The following GLIS3 variants were observed in gnomAD, a reference collection of about 807,000 sequenced individuals.
GLIS3 encodes the protein GLIS family zinc finger 3.
GLIS3 carries 53 observed loss-of-function variants against 78.6 expected under a neutral mutation model. The observed-to-expected ratio is 0.67, with a 90% CI of 0.54 to 0.85. The LOEUF (loss-of-function observed/expected upper bound fraction) is 0.85. Ranked by LOEUF, GLIS3 falls within the 40% of genes least tolerant of loss-of-function variation. GLIS3 has a pLI of 0.00. For missense variants in GLIS3, 1,703 were observed against 1,231.1 expected (o/e 1.38, Z -5.74); for synonymous variants, 684 against 509.9 (o/e 1.34, Z -4.60).
chr9:4,297,465 G>A (rs1005983849), intron 1 of GLIS3, among the ~76,000 whole-genome samples: 1 of 152,162 alleles, frequency 6.6e-6, no homozygotes, highest in Non-Finnish European at 1.5e-5. Context: ...AAGGGACCTG[G>A]TCCACTGGGG....
chr9:4,106,134 C>T (rs978125836), intron 4 of GLIS3, among the ~76,000 whole-genome samples: 3 of 152,162 alleles, frequency 2.0e-5, no homozygotes, highest in Non-Finnish European at 2.9e-5. Context: ...AGACAAGTTT[C>T]GACAAGCACT....
At chr9:4,488,722 T>C in the GLIS3 span, among the ~76,000 whole-genome samples, 1 of 152,232 alleles carries the variant, frequency 6.6e-6, no homozygotes, top group South Asian at 2.1e-4. Flanking sequence ...TTCCCCATGT[T>C]GGCCAGGCTG....
chr9:3,944,999 C>A (rs1272317012), intron 4 of GLIS3, among the ~76,000 whole-genome samples: 1 of 152,212 alleles, frequency 6.6e-6, no homozygotes, highest in Non-Finnish European at 1.5e-5. Flanking sequence ...GATGCAGTCC[C>A]ACTAGGGTGA....
chr9:4,369,535 G>T, the GLIS3 span, among the ~76,000 whole-genome samples: 1 of 152,172 alleles, frequency 6.6e-6, no homozygotes, highest in Non-Finnish European at 1.5e-5. Context: ...GGTGCCACAG[G>T]AAGAACATTA....
chr9:3,871,333 G>A (rs561621480), intron 8 of GLIS3, among the ~76,000 whole-genome samples: 1 of 152,306 alleles, frequency 6.6e-6, no homozygotes, highest in Admixed American at 6.5e-5. Flanking sequence ...GGGTCTGGAG[G>A]ACAGTGACCC....
chr9:4,252,180 G>C (rs1371377739), intron 2 of GLIS3, among the ~76,000 whole-genome samples: 1 of 152,126 alleles, frequency 6.6e-6, no homozygotes, highest in Non-Finnish European at 1.5e-5. Context: ...AGTTCTCCTG[G>C]ATAATATCCT....
At chr9:4,205,692 G>A (rs1441289047) in intron 2 of GLIS3, among the ~76,000 whole-genome samples, 1 of 152,176 alleles carries the variant, frequency 6.6e-6, no homozygotes, top group Non-Finnish European at 1.5e-5. Flanking sequence ...CCTAAGGCCA[G>A]CACCCACTTT....
chr9:3,979,971 A>AAGC (rs1819120972), intron 4 of GLIS3, among the ~76,000 whole-genome samples: 1 of 152,090 alleles, frequency 6.6e-6, no homozygotes, highest in Non-Finnish European at 1.5e-5. Context: ...AGTACCATGG[A>AAGC]AGCAGGCAAA....
intron 4 of GLIS3, among the ~76,000 whole-genome samples, chr9:4,061,278 A>C (rs1304806980): frequency 7.3e-6 from 1 of 137,188 alleles, no homozygotes; most frequent in Non-Finnish European, 1.5e-5. Flanking sequence ...AAGTGTTCTA[A>C]CTGTTCAATT....
At chr9:4,115,425 A>G (rs1310594306) in intron 4 of GLIS3, among the ~76,000 whole-genome samples, 2 of 152,152 alleles carry the variant, frequency 1.3e-5, no homozygotes, top group African/African-American at 4.8e-5. Flanking sequence ...AGTCAGTGGG[A>G]TATGAAACAT....
At chr9:4,481,463 G>C in the GLIS3 span, among the ~76,000 whole-genome samples, 71 of 151,832 alleles carry the variant, frequency 4.7e-4, 1 homozygote, top group African/African-American at 1.3e-3. Context: ...CTGGGCAACA[G>C]AGCAAGACCC....
rs1461028249 is a variant in GLIS3 at position 3,980,061 on chromosome 9, G to T, written c.1711-42872C>A. On this transcript the variant is annotated intron_variant, in intron 4 of 10. Coordinates refer to ENST00000381971, the MANE Select transcript of GLIS3 (RefSeq NM_001042413.2). Reference sequence around the variant, plus strand: ...CCCAAAAAGTGACCTTAGGAGAAAGGACTGTTGGTGTCTGGAGTTGGGAGA... The same window carrying T: ...CCCAAAAAGTGACCTTAGGAGAAAGTACTGTTGGTGTCTGGAGTTGGGAGA... Among the ~76,000 whole-genome samples, 5 of 152,302 alleles carry T rather than the reference G, an allele frequency of 3.3e-5. 1 individual carries two copies. The highest frequency in any genetic ancestry group is 1.2e-4 in the African/African-American group (5 of 41,564).
the GLIS3 span, among the ~76,000 whole-genome samples, chr9:4,359,209 T>C: frequency 6.6e-6 from 1 of 152,130 alleles, no homozygotes; most frequent in African/African-American, 2.4e-5. Flanking sequence ...CCGCTCTGCA[T>C]ACACCGAGAT....
At chr9:4,222,985 G>A (rs1821460824) in intron 2 of GLIS3, among the ~76,000 whole-genome samples, 1 of 152,062 alleles carries the variant, frequency 6.6e-6, no homozygotes, top group South Asian at 2.1e-4. Flanking sequence ...GTTCCTTAGG[G>A]AATTAGGGAA....
At chr9:3,947,853 G>A (rs1036199169) in intron 4 of GLIS3, among the ~76,000 whole-genome samples, 14 of 152,198 alleles carry the variant, frequency 9.2e-5, no homozygotes, top group African/African-American at 3.4e-4. Flanking sequence ...GAGAGTGGCA[G>A]AGATATTTTC....
At chr9:4,153,009 A>G (rs1834794228) in intron 2 of GLIS3, among the ~76,000 whole-genome samples, 1 of 152,244 alleles carries the variant, frequency 6.6e-6, no homozygotes, top group South Asian at 2.1e-4. Context: ...TTGTTGCAAG[A>G]GCAGGAGTGC....
intron 2 of GLIS3, among the ~76,000 whole-genome samples, chr9:4,323,026 C>CT (rs1247849189): frequency 2.6e-5 from 4 of 152,116 alleles, no homozygotes; most frequent in African/African-American, 9.7e-5. Flanking sequence ...GTTTTCTTCT[C>CT]TAAAGTCTTT....
In GLIS3 at chr9:3,950,171, T is replaced by C. The variant is rs79675697; in HGVS notation, c.1711-12982A>G. On this transcript the variant is annotated intron_variant, in intron 4 of 10. Transcript: ENST00000381971. ...TATCTCTCAAACATAAATACTTCTC[T>C]CCATCAATATCTGACCTTCCCTAAG... 3.3e-3 allele frequency among the ~76,000 whole-genome samples: 508 copies of C among 152,306 alleles called. 1 individual carries two copies. Among genetic ancestry groups the C allele is most frequent in the African/African-American group, 0.012 (486 of 41,566 alleles).
At chr9:4,102,701 T>C (rs1026147328) in intron 4 of GLIS3, among the ~76,000 whole-genome samples, 1 of 152,162 alleles carries the variant, frequency 6.6e-6, no homozygotes, top group African/African-American at 2.4e-5. Flanking sequence ...TACTAGAGAA[T>C]ATAAATATTA....
Sources: gnomAD v4.1 joint callset for allele counts (sites outside exome capture counted in the v4.1 genomes callset) on GRCh38, gnomAD v4.1.1 for gene constraint, MANE v1.5 for transcripts, NCBI Gene and HGNC (gene_info 2026-07-23, HGNC 2026-07-21) for gene names.